The following CDKL4 variants were observed in gnomAD, a reference collection of about 807,000 sequenced individuals.
CDKL4 encodes cyclin dependent kinase like 4, also known as cyclin-dependent kinase-like 4.
Under a neutral mutation model 42.0 loss-of-function variants are expected in CDKL4, and 44 were observed. The observed-to-expected ratio is 1.05, with a 90% CI of 0.82 to 1.35. The LOEUF is 1.35. Ranked by LOEUF, CDKL4 falls within the 40% of genes most tolerant of loss-of-function variation. The pLI, the probability that CDKL4 is intolerant of heterozygous loss-of-function variation, is 0.00. For missense variants in CDKL4, 393 were observed against 369.9 expected (o/e 1.06, Z -0.51); for synonymous variants, 120 against 121.6 (o/e 0.99, Z 0.09).
chr2:39,179,740 C>T (rs543417189), intron 8 of CDKL4, among the ~76,000 whole-genome samples: 2 of 152,256 alleles, frequency 1.3e-5, no homozygotes, highest in African/African-American at 2.4e-5. Context: ...AGGTGGGGCC[C>T]GGCAGTTTGT....
chr2:39,218,166 T>C (rs1159500386), intron 3 of CDKL4, among the ~76,000 whole-genome samples: 4 of 152,210 alleles, frequency 2.6e-5, no homozygotes, highest in African/African-American at 9.6e-5. Flanking sequence ...TAATTTTCTG[T>C]GTTAACTTGA....
chr2:39,182,642 C>G (rs1467612592), intron 8 of CDKL4, among the ~76,000 whole-genome samples: 1 of 152,158 alleles, frequency 6.6e-6, no homozygotes, highest in Admixed American at 6.6e-5. Context: ...AGTCAGGATC[C>G]TTTTCTTAAA....
At chr2:39,204,350 A>G (rs1233240647) in intron 5 of CDKL4, among the ~76,000 whole-genome samples, 177 bp downstream of exon 5, 4 of 152,236 alleles carry the variant, frequency 2.6e-5, no homozygotes, top group African/African-American at 9.6e-5. Flanking sequence ...TTCTAGCTGA[A>G]TGGAGCAGAG....
intron 1 of CDKL4, among the ~76,000 whole-genome samples, chr2:39,233,051 A>AG (rs1450471235): frequency 1.2e-5 from 1 of 83,880 alleles, no homozygotes; most frequent in African/African-American, 4.0e-5. Flanking sequence ...TCTCAAAAAA[A>AG]AAAAAAAAAA....
At chr2:39,204,374 G>A (rs1261454925) in intron 5 of CDKL4, among the ~76,000 whole-genome samples, 153 bp downstream of exon 5, 1 of 152,182 alleles carries the variant, frequency 6.6e-6, no homozygotes, top group African/African-American at 2.4e-5. Context: ...AAGTGCAAAC[G>A]AATGTACTGA....
intron 6 of CDKL4, among the ~76,000 whole-genome samples, chr2:39,187,916 A>C (rs578093124): frequency 2.1e-3 from 314 of 152,116 alleles, no homozygotes; most frequent in Non-Finnish European, 4.1e-3. Context: ...AAAAATACAA[A>C]AATTAGCCAA....
At chr2:39,218,433 A>C (rs1042445198) in intron 3 of CDKL4, among the ~76,000 whole-genome samples, 35 of 152,114 alleles carry the variant, frequency 2.3e-4, no homozygotes, top group African/African-American at 8.0e-4. Context: ...TGGGAGTTTG[A>C]GGCTGCAGTG....
chr2:39,169,435 G>A, the CDKL4 span, among the ~76,000 whole-genome samples: 1 of 152,160 alleles, frequency 6.6e-6, no homozygotes, highest in African/African-American at 2.4e-5. Context: ...AGACAGAGAT[G>A]AGAGAGAGGA....
At chr2:39,211,994 G>T (rs1470859833) in intron 4 of CDKL4, among the ~76,000 whole-genome samples, 1 of 152,148 alleles carries the variant, frequency 6.6e-6, no homozygotes, top group Non-Finnish European at 1.5e-5. Flanking sequence ...GAAAGAACAC[G>T]TTAAATTACA....
rs1386933482 is a variant in CDKL4, at chr2:39,203,133, T to C, written c.454+1394A>G. Among the ~76,000 whole-genome samples, 5 of 152,200 alleles carry C rather than the reference T, an allele frequency of 3.3e-5. No individual in the cohort carries two copies. The East Asian group carries it at 7.7e-4, about 23-fold the overall frequency. ...GGTTCTTCATTCAGACAAGAATGAC[T>C]ATGTTTGCTACAGGAAAACTCAGTA... On this transcript the variant is annotated intron_variant, in intron 5 of 9. Coordinates refer to ENST00000451199, the Ensembl canonical transcript of CDKL4.
chr2:39,217,876 G>T (rs946689717), intron 3 of CDKL4, among the ~76,000 whole-genome samples: 3 of 152,098 alleles, frequency 2.0e-5, no homozygotes, highest in Non-Finnish European at 4.4e-5. Flanking sequence ...TGGGATTACA[G>T]GCATGTGCCA....
chr2:39,244,018 ACGCTAGGGCG>A (rs1679798995), upstream of CDKL4, among the ~76,000 whole-genome samples: 1 of 152,194 alleles, frequency 6.6e-6, no homozygotes. Context: ...GGCAACCGGA[ACGCTAGGGCG>A]CGCGGGGCAC....
chr2:39,180,489 G>C (rs560119773), intron 8 of CDKL4, among the ~76,000 whole-genome samples: 4 of 151,752 alleles, frequency 2.6e-5, no homozygotes, highest in African/African-American at 9.7e-5. Context: ...CCTTGGCGAG[G>C]GATCTGATTA....
intron 7 of CDKL4, among the ~76,000 whole-genome samples, chr2:39,185,003 G>C (rs1372487930): frequency 6.6e-6 from 1 of 151,086 alleles, no homozygotes; most frequent in East Asian, 1.9e-4. Context: ...CCAAAGTGCA[G>C]GGATTATAGG....
chr2:39,185,998 A>C (rs1675811706), intron 7 of CDKL4, among the ~76,000 whole-genome samples: 1 of 152,158 alleles, frequency 6.6e-6, no homozygotes, highest in South Asian at 2.1e-4. Context: ...CTACATGCAT[A>C]AGAGCACTAC....
chr2:39,238,569 A>G (rs184653967), intron 1 of CDKL4, among the ~76,000 whole-genome samples: 10 of 152,330 alleles, frequency 6.6e-5, no homozygotes, highest in African/African-American at 2.4e-4. Context: ...AACTTTGAAA[A>G]AGAACAAATT....
chr2:39,175,210 A>C (rs545445962), downstream of CDKL4, among the ~76,000 whole-genome samples: 4 of 152,328 alleles, frequency 2.6e-5, no homozygotes, highest in East Asian at 7.7e-4. Context: ...TGAGCTATTC[A>C]GACAACACAC....
chr2:39,229,914 G>A (rs1468493217), intron 1 of CDKL4, among the ~76,000 whole-genome samples: 1 of 152,200 alleles, frequency 6.6e-6, no homozygotes, highest in Non-Finnish European at 1.5e-5. Context: ...GTAAAATCCA[G>A]CTGAAGGAAC....
intron 3 of CDKL4, among the ~76,000 whole-genome samples, chr2:39,221,013 G>GTTTT (rs373203432): frequency 2.7e-5 from 2 of 73,774 alleles, no homozygotes; most frequent in African/African-American, 9.8e-5. Flanking sequence ...TTTTTTTTTT[G>GTTTT]TTTTGTTTTT....
Sources: allele counts gnomAD v4.1 joint callset (sites outside exome capture counted in the v4.1 genomes callset), GRCh38; gene constraint gnomAD v4.1.1; transcripts MANE v1.5; gene names NCBI Gene and HGNC (gene_info 2026-07-23, HGNC 2026-07-21).